Variants in FSTL5 observed in about 807,000 individuals in gnomAD.
The protein encoded by FSTL5 is follistatin like 5.
Under a neutral mutation model 89.1 loss-of-function variants are expected in FSTL5, and 62 were observed. The observed-to-expected ratio is 0.70, with a 90% CI of 0.57 to 0.86. The LOEUF (loss-of-function observed/expected upper bound fraction) is 0.86, where lower values mean the gene tolerates loss of function less well. FSTL5 is among the 40% of genes least tolerant of loss of function. FSTL5 has a pLI of 0.00. For synonymous variants in FSTL5, 383 were observed against 346.2 expected (o/e 1.11, Z -1.18); for missense variants, 1,057 against 1,001.6 (o/e 1.06, Z -0.75).
chr4:161,969,112 T>C (rs1735409988), intron 3 of FSTL5, among the ~76,000 whole-genome samples: 1 of 152,112 alleles, frequency 6.6e-6, no homozygotes, highest in African/African-American at 2.4e-5. Flanking sequence ...GCTTTATTTT[T>C]TGGAATTATA....
intron 15 of FSTL5, among the ~76,000 whole-genome samples, chr4:161,420,673 T>C (rs1731955170): frequency 6.6e-6 from 1 of 151,534 alleles, no homozygotes; most frequent in Non-Finnish European, 1.5e-5. Flanking sequence ...ATTATTTATA[T>C]GGCATATATA....
At chr4:161,965,686 G>A (rs1355419908) in intron 3 of FSTL5, among the ~76,000 whole-genome samples, 1 of 152,018 alleles carries the variant, frequency 6.6e-6, no homozygotes, top group African/African-American at 2.4e-5. Context: ...ATAAAAAAGT[G>A]ATAAATCACA....
chr4:161,720,376 G>A (rs1579046420), intron 6 of FSTL5, among the ~76,000 whole-genome samples: 1 of 152,032 alleles, frequency 6.6e-6, no homozygotes, highest in Admixed American at 6.6e-5. Flanking sequence ...GTGTTGGCAA[G>A]GATATGGAGA....
intron 1 of FSTL5, among the ~76,000 whole-genome samples, chr4:162,163,409 T>G (rs1733763318): frequency 6.7e-6 from 1 of 148,854 alleles, no homozygotes; most frequent in Non-Finnish European, 1.5e-5. Flanking sequence ...CTCTAGAATT[T>G]AGTGCATAAT....
chr4:161,603,401 A>G (rs879728376), intron 7 of FSTL5, among the ~76,000 whole-genome samples: 3 of 152,156 alleles, frequency 2.0e-5, no homozygotes, highest in Admixed American at 2.0e-4. Flanking sequence ...AACAAGAGGA[A>G]GAGTTCTCTC....
At chr4:161,877,890 G>A (rs564148256) in intron 4 of FSTL5, among the ~76,000 whole-genome samples, 1 of 151,440 alleles carries the variant, frequency 6.6e-6, no homozygotes, top group Non-Finnish European at 1.5e-5. Context: ...TCCTGACCTC[G>A]TGATCTGCCC....
intron 15 of FSTL5, among the ~76,000 whole-genome samples, chr4:161,393,582 T>A (rs1164935610): frequency 1.3e-5 from 2 of 151,828 alleles, no homozygotes; most frequent in South Asian, 2.1e-4. Flanking sequence ...GAAGAGAGAG[T>A]TTATATTGGT....
intron 10 of FSTL5, among the ~76,000 whole-genome samples, chr4:161,535,210 A>T (rs1408555349): frequency 6.6e-6 from 1 of 152,110 alleles, no homozygotes; most frequent in Non-Finnish European, 1.5e-5. Flanking sequence ...ACAGAATAAT[A>T]ATTGACAAGA....
intron 4 of FSTL5, among the ~76,000 whole-genome samples, chr4:161,917,366 C>T (rs887881545): frequency 2.6e-5 from 4 of 152,120 alleles, no homozygotes; most frequent in Non-Finnish European, 4.4e-5. Context: ...TCTTTAAAAG[C>T]TTTTACGTAT....
intron 8 of FSTL5, among the ~76,000 whole-genome samples, chr4:161,576,951 C>T (rs767555975): frequency 2.0e-5 from 3 of 152,150 alleles, no homozygotes; most frequent in Non-Finnish European, 1.5e-5. Context: ...ATAGTCTTTT[C>T]TCCATACATA....
chr4:162,008,251 T>C (rs1348995606), intron 3 of FSTL5, among the ~76,000 whole-genome samples: 2 of 151,888 alleles, frequency 1.3e-5, no homozygotes, highest in Non-Finnish European at 3.0e-5. Flanking sequence ...AACTTAAACA[T>C]ACTGTATAAA....
At chr4:161,891,696 A>G (rs1464284464) in intron 4 of FSTL5, among the ~76,000 whole-genome samples, 1 of 152,128 alleles carries the variant, frequency 6.6e-6, no homozygotes, top group African/African-American at 2.4e-5. Flanking sequence ...TTGAATTAGC[A>G]GTGGATTAAG....
chr4:161,864,432 A>T (rs1732013086), intron 4 of FSTL5, among the ~76,000 whole-genome samples: 1 of 152,216 alleles, frequency 6.6e-6, no homozygotes, highest in Non-Finnish European at 1.5e-5. Flanking sequence ...TGTGAGGATT[A>T]AATAACATAA....
intron 7 of FSTL5, among the ~76,000 whole-genome samples, chr4:161,609,927 A>C (rs191192936): frequency 1.4e-4 from 22 of 152,246 alleles, no homozygotes; most frequent in Admixed American, 1.3e-3. Context: ...TGCTCTGCTC[A>C]CCAGACATGC....
chr4:161,825,484 G>T (rs531946203), intron 4 of FSTL5, among the ~76,000 whole-genome samples: 1 of 152,066 alleles, frequency 6.6e-6, no homozygotes, highest in East Asian at 1.9e-4. Flanking sequence ...TCTTCTTTGA[G>T]TGTCTGATAG....
At chr4:161,634,750 G>A (rs1361348131) in intron 7 of FSTL5, among the ~76,000 whole-genome samples, 1 of 152,132 alleles carries the variant, frequency 6.6e-6, no homozygotes, top group Non-Finnish European at 1.5e-5. Flanking sequence ...TGAGAAAAAT[G>A]GGAGGACATT....
chr4:161,712,303 A>G (rs1458809508), intron 6 of FSTL5, among the ~76,000 whole-genome samples: 1 of 152,114 alleles, frequency 6.6e-6, no homozygotes, highest in Non-Finnish European at 1.5e-5. Context: ...TAAAAAGAAT[A>G]AATAATAAAA....
At chr4:162,036,336 T>C (rs987199820) in intron 2 of FSTL5, among the ~76,000 whole-genome samples, 1 of 152,060 alleles carries the variant, frequency 6.6e-6, no homozygotes, top group African/African-American at 2.4e-5. Context: ...TCCATTCTTC[T>C]AGTCGTGCAT....
rs192148131 is a variant in FSTL5, at chr4:161,701,425, A to T, written c.728-44931T>A. On this transcript the variant is annotated intron_variant, in intron 6 of 15. Transcript: ENST00000306100. Reference sequence around the variant, plus strand: ...TTAGAAAAAATAGTAGATATAGGTTAAAACATCTTCCCAAAGTAACTTTCA... The same window carrying T: ...TTAGAAAAAATAGTAGATATAGGTTTAAACATCTTCCCAAAGTAACTTTCA... 2.6e-5 allele frequency among the ~76,000 whole-genome samples: 4 copies of T among 152,284 alleles called. 1 individual carries two copies. The highest frequency in any genetic ancestry group is 6.8e-3 in the Middle Eastern group (2 of 294).
Sources: allele counts gnomAD v4.1 joint callset (sites outside exome capture counted in the v4.1 genomes callset), GRCh38; gene constraint gnomAD v4.1.1; transcripts MANE v1.5; gene names NCBI Gene and HGNC (gene_info 2026-07-23, HGNC 2026-07-21).